The following D2HGDH variants were observed in gnomAD, a reference collection of about 807,000 sequenced individuals.
The protein encoded by D2HGDH is D-2-hydroxyglutarate dehydrogenase, mitochondrial.
Under a neutral mutation model 46.9 loss-of-function variants are expected in D2HGDH, and 31 were observed. That is an observed-to-expected ratio of 0.66 (90% CI 0.50 to 0.89). The LOEUF is 0.89. Ranked by LOEUF, D2HGDH falls within the 40% of genes least tolerant of loss-of-function variation. D2HGDH has a pLI of 0.00. For missense variants in D2HGDH, 698 were observed against 720.8 expected (o/e 0.97, Z 0.36); for synonymous variants, 364 against 332.6 (o/e 1.09, Z -1.03).
intron 5 of D2HGDH, 117 bp from the exon 6 acceptor site, chr2:241,744,592 C>A: frequency 7.9e-7 from 1 of 1,269,348 alleles, no homozygotes; most frequent in Non-Finnish European, 1.1e-6. Flanking sequence ...GAAAGTCCAT[C>A]CTTCAGCCTC....
At position 241,743,093 on chromosome 2, in the gene D2HGDH, CCCAGGGTG is replaced by C. The variant is rs1337354935; in HGVS notation, c.491-522_491-515del. ...CGTGGCAGGCGTGAGGGGATCCTGA[CCCAGGGTG>C]CCAGGGCGTGGCAGGCATGAGGGGA... On this transcript the variant is annotated intron_variant, in intron 4 of 9. Transcript: ENST00000321264. This position sits in a 1 kb window ranked among gnomAD's most constrained non-coding sequence, Gnocchi z 4.8. Among the ~76,000 whole-genome samples, 3 of 146,412 alleles carry C rather than the reference CCCAGGGTG, an allele frequency of 2.0e-5. No individual in the cohort carries two copies. Among genetic ancestry groups the C allele is most frequent in the African/African-American group, 5.2e-5 (2 of 38,648 alleles).
chr2:241,767,619 G>A (rs1406124180), intron 9 of D2HGDH, 91 bp from the exon 10 acceptor site: 1 of 1,583,164 alleles, frequency 6.3e-7, no homozygotes, highest in Non-Finnish European at 8.6e-7. Flanking sequence ...GGGGTTGCTG[G>A]GGAGGGGATC....
chr2:241,745,024 A>G, intron 6 of D2HGDH, 147 bp downstream of exon 6: 1 of 1,124,826 alleles, frequency 8.9e-7, no homozygotes, highest in South Asian at 1.4e-5. Context: ...TCTGCTTCCA[A>G]AGGAATCAGG....
chr2:241,751,273 CT>C lies in D2HGDH; in HGVS notation c.1027del (p.Ser343GlnfsTer25), dbSNP rs797045506. 1.2e-6 allele frequency: 2 copies of C among 1,614,058 alleles called. No homozygotes were observed. Among genetic ancestry groups the C allele is most frequent in the Non-Finnish European group, 1.7e-6 (2 of 1,180,038 alleles). ...QESPFYVLIE[T>X]SGSNAGHDAE... ...AGTCCGTTTTACGTCCTCATCGAGA[CT>C]TCAGGCTCCAACGCAGGCCATGACG... is the stretch of plus-strand genomic sequence containing the variant. On this transcript the variant is annotated frameshift_variant, in exon 8 of 10. Transcript: ENST00000321264. LOFTEE classifies it high-confidence loss of function.
At chr2:241,758,494 G>A (rs1698404186) in intron 9 of D2HGDH, among the ~76,000 whole-genome samples, 1 of 150,866 alleles carries the variant, frequency 6.6e-6, no homozygotes, top group South Asian at 2.1e-4. Context: ...CCTTTTTTTT[G>A]GTGGGGACAG....
chr2:241,756,351 G>T (rs1698178317), intron 9 of D2HGDH, among the ~76,000 whole-genome samples: 1 of 152,228 alleles, frequency 6.6e-6, no homozygotes, highest in African/African-American at 2.4e-5. Context: ...GGGTCTCAGG[G>T]GCTCCTCTCA....
Position 241,743,960 on chromosome 2 carries a change from G to A in D2HGDH, c.684+145G>A, listed in dbSNP as rs1488120635. 8 of 860,856 alleles carry A rather than the reference G, an allele frequency of 9.3e-6. No homozygotes were observed. The highest frequency in any genetic ancestry group is 2.7e-5 in the East Asian group (1 of 37,536). 53.3% of individuals were successfully genotyped at this position (860,856 alleles called of 1,614,324 possible). A position where few individuals can be genotyped will look rare whatever the true frequency, so the allele number is the denominator to read the frequency against. On this transcript the variant is annotated intron_variant, in intron 5 of 9. Transcript: ENST00000321264. The surrounding 1 kb of genome is among the most constrained non-coding windows in gnomAD (Gnocchi z 4.8). ...GGCCCTGGGCCCCTCAAGGATGTGT[G>A]GGCTACATACACCCCCATCCTGAGG...
intron 8 of D2HGDH, chr2:241,755,035 C>T: frequency 7.7e-7 from 1 of 1,297,010 alleles, no homozygotes; most frequent in South Asian, 1.2e-5. Context: ...TCCTGTTCCT[C>T]ATGGTGCAGA....
At chr2:241,761,245 G>T (rs1420040730) in intron 9 of D2HGDH, among the ~76,000 whole-genome samples, 1 of 152,112 alleles carries the variant, frequency 6.6e-6, no homozygotes, top group Non-Finnish European at 1.5e-5. Flanking sequence ...GTGATTTAAA[G>T]TATACAGGAG....
intron 7 of D2HGDH, 100 bp downstream of exon 7, chr2:241,750,394 C>CCCCCCCCGGGGGGGGGGGGGGG: frequency 3.8e-6 from 1 of 263,590 alleles, no homozygotes; most frequent in Admixed American, 6.6e-5. Context: ...GGGGGGTGCC[C>CCCCCCCCGGGGGGGGGGGGGGG]GGGCGGGCGG....
In D2HGDH at chr2:241,752,076, G is replaced by A. The variant is rs201544626; in HGVS notation, c.1140+688G>A. Among the ~76,000 whole-genome samples, 38 of 131,410 alleles carry A rather than the reference G, an allele frequency of 2.9e-4. No individual in the cohort carries two copies. The East Asian group carries it at 7.9e-3, about 27-fold the overall frequency. 86.2% of individuals were successfully genotyped at this position (131,410 alleles called of 152,430 possible). On this transcript the variant is annotated intron_variant, in intron 8 of 9. Coordinates refer to ENST00000321264, the MANE Select transcript of D2HGDH (RefSeq NM_152783.5). ...TTACCTTCACCGGGGCCTGGGCAGT[G>A]GGAGGCGCCCTTGGTCACCGTCACC...
Position 241,754,948 on chromosome 2 carries a change from G to T in D2HGDH, c.1141-901G>T, listed in dbSNP as rs1697922047. ...CCTGAAATGATAGGGTCTCTGGAGGGGCAGGTGCTGGGCTTGAGCCCTGGG... is the reference window on the plus strand; with the variant it reads ...CCTGAAATGATAGGGTCTCTGGAGGTGCAGGTGCTGGGCTTGAGCCCTGGG... On this transcript the variant is annotated intron_variant, in intron 8 of 9. Transcript: ENST00000321264. 3 of 1,133,948 alleles carry T rather than the reference G, an allele frequency of 2.6e-6. No homozygotes were observed. In the South Asian group the frequency reaches 4.6e-5, roughly 17 times the overall value. The allele number at this position is 1,133,948 out of a possible 1,614,324, so 70.2% of individuals were successfully genotyped here. A position where few individuals can be genotyped will look rare whatever the true frequency, so the allele number is the denominator to read the frequency against.
rs564093161 is a variant in D2HGDH at position 241,743,975 on chromosome 2, C to T, written c.684+160C>T. ...AAGGATGTGTGGGCTACATACACCC[C>T]CATCCTGAGGGAGGCCTGGCCCTGC... On this transcript the variant is annotated intron_variant, in intron 5 of 9. Coordinates refer to ENST00000321264, the MANE Select transcript of D2HGDH (RefSeq NM_152783.5). This position sits in a 1 kb window ranked among gnomAD's most constrained non-coding sequence, Gnocchi z 4.8. Among the ~76,000 whole-genome samples the T allele has an allele frequency of 6.6e-6, 1 of 152,342 alleles. No homozygotes were observed. Among genetic ancestry groups the T allele is most frequent in the African/African-American group, 2.4e-5 (1 of 41,578 alleles).
Position 241,742,310 on chromosome 2 carries a change from T to A in D2HGDH, c.351-125T>A, listed in dbSNP as rs1694693100. 1 of 1,319,850 alleles carries A rather than the reference T, an allele frequency of 7.6e-7. No homozygotes were observed. The highest frequency in any genetic ancestry group is 1.5e-5 in the African/African-American group (1 of 68,008). The allele number at this position is 1,319,850 out of a possible 1,614,324, so 81.8% of individuals were successfully genotyped here. On this transcript the variant is annotated intron_variant, in intron 3 of 9. Transcript: ENST00000321264. This position sits in a 1 kb window ranked among gnomAD's most constrained non-coding sequence, Gnocchi z 4.8. The stretch of plus-strand genomic sequence containing the variant: ...GCGTGGGCTGGGGAGGAGCCCCCGC[T>A]GAGGCTGCAGGCAGGGCAGGGTAAT...
In D2HGDH at chr2:241,755,964, G is replaced by A. The variant is rs199908032; in HGVS notation, c.1256G>A (p.Arg419His). ...CTCTACGACATCGTGACTGACCTGCGCGCCCGCCTCGGCCCGCACGCCAAG... is the reference window on the plus strand; with the variant it reads ...CTCTACGACATCGTGACTGACCTGCACGCCCGCCTCGGCCCGCACGCCAAG... ...ERLYDIVTDL[R>H]ARLGPHAKHV... Residue 419 changes from arginine to histidine, a missense_variant, in exon 9 of 10, where the codon CGC (arginine) becomes CAC (histidine). Coordinates refer to ENST00000321264, the MANE Select transcript of D2HGDH (RefSeq NM_152783.5). 206 of 1,606,882 alleles carry A rather than the reference G, an allele frequency of 1.3e-4. No individual in the cohort carries two copies. The highest frequency in any genetic ancestry group is 1.6e-4 in the Non-Finnish European group (184 of 1,175,088).
intron 7 of D2HGDH, 100 bp downstream of exon 7, chr2:241,750,394 CGGGCGGGCGGGTGGGGGGTCCCT>C: frequency 7.6e-6 from 2 of 263,588 alleles, no homozygotes; most frequent in Non-Finnish European, 1.2e-5. Context: ...GGGGGGTGCC[CGGGCGGGCGGGTGGGGGGTCCCT>C]GGGCGGAGCA....
intron 9 of D2HGDH, among the ~76,000 whole-genome samples, chr2:241,760,097 G>A (rs1698618288): frequency 7.0e-6 from 1 of 143,552 alleles, no homozygotes; most frequent in Non-Finnish European, 1.5e-5. Context: ...GCATGGGTGG[G>A]CCTTACCCAA....
intron 6 of D2HGDH, 58 bp downstream of exon 6, chr2:241,744,935 A>T (rs1559365141): frequency 1.2e-6 from 2 of 1,605,110 alleles, no homozygotes; most frequent in South Asian, 1.1e-5. Flanking sequence ...GTCTGCTCTG[A>T]TGGTGCCACT....
In D2HGDH at chr2:241,743,336, C is replaced by T. The variant is rs1373574188; in HGVS notation, c.491-286C>T. 6.6e-6 allele frequency among the ~76,000 whole-genome samples: 1 copy of T among 152,254 alleles called. No homozygotes were observed. The highest frequency in any genetic ancestry group is 6.5e-5 in the Admixed American group (1 of 15,290). On this transcript the variant is annotated intron_variant, in intron 4 of 9. Coordinates refer to ENST00000321264, the MANE Select transcript of D2HGDH (RefSeq NM_152783.5). This position sits in a 1 kb window ranked among gnomAD's most constrained non-coding sequence, Gnocchi z 4.8. ...AGGATCAGCCCCAGCTGAGAATCTT[C>T]CCTCTTCTACTCCTTTCCACGAGTG...
Sources: allele counts gnomAD v4.1 joint callset (sites outside exome capture counted in the v4.1 genomes callset), GRCh38; gene constraint gnomAD v4.1.1; non-coding constraint Gnocchi (gnomAD v3.1); transcripts MANE v1.5; gene names NCBI Gene and HGNC (gene_info 2026-07-23, HGNC 2026-07-21).